Variants in PRRC2A observed in about 807,000 individuals in gnomAD.
PRRC2A encodes the protein proline rich coiled-coil 2A.
A neutral mutation model predicts 224.6 loss-of-function variants in PRRC2A; 59 were observed. The observed-to-expected ratio is 0.26, with a 90% CI of 0.21 to 0.33. The LOEUF (loss-of-function observed/expected upper bound fraction) is 0.33, where lower values mean the gene tolerates loss of function less well. Among genes scored for constraint, PRRC2A ranks in the 10% least tolerant of loss-of-function variants. The probability of loss-of-function intolerance (pLI) is 1.00; values close to 1 mark genes in which losing one functional copy is unlikely to be tolerated. For missense variants in PRRC2A, 3,095 were observed against 2,880.7 expected (o/e 1.07, Z -1.70); for synonymous variants, 1,194 against 1,109.5 (o/e 1.08, Z -1.51).
intron 14 of PRRC2A, 47 bp from the exon 15 acceptor site, chr6:31,630,544 C>T (rs765331493): frequency 2.5e-6 from 4 of 1,601,018 alleles, no homozygotes; most frequent in Admixed American, 3.3e-5. Context: ...GGCTGGAGGG[C>T]TTGTGACATG....
Position 31,624,335 on chromosome 6 carries a change from C to T in PRRC2A, c.365C>T (p.Pro122Leu), listed in dbSNP as rs141801298. Residue 122 changes from proline to leucine, a missense_variant, in exon 4 of 31, where the codon CCG (proline) becomes CTG (leucine). This residue lies in a region of PRRC2A where 52 missense variants were observed against 77.9 expected (regional missense o/e 0.67). Coordinates refer to ENST00000376033, the MANE Select transcript of PRRC2A (RefSeq NM_004638.4). ...TCACAGACGCCTGCCTCCAACCAGCCGAAACGACCCCCAGCAGCCCCCGAG... is the reference window on the plus strand; with the variant it reads ...TCACAGACGCCTGCCTCCAACCAGCTGAAACGACCCCCAGCAGCCCCCGAG... Reference protein sequence around the residue: ...PASQTPASNQPKRPPAAPENT... With the variant: ...PASQTPASNQLKRPPAAPENT... 7 of 1,613,952 alleles carry T rather than the reference C, an allele frequency of 4.3e-6. No individual in the cohort carries two copies. Among genetic ancestry groups the T allele is most frequent in the East Asian group, 2.2e-5 (1 of 44,902 alleles).
rs1394504135 is a variant in PRRC2A, at chr6:31,628,038, C to A, written c.1564C>A (p.Pro522Thr). The change falls in exon 12 of 31, where the codon CCT (proline) becomes ACT (threonine). Residue 522 changes from proline (P) to threonine (T), a missense_variant. Coordinates refer to ENST00000376033, the MANE Select transcript of PRRC2A (RefSeq NM_004638.4). ...PAAPSTPAPPPAVPKELPAPP... is the reference protein window; with the variant it reads ...PAAPSTPAPPTAVPKELPAPP... ...TGCCCCTTCTACCCCAGCTCCACCA[C>A]CTGCAGTCCCTAAAGAACTCCCTGC... is the stretch of plus-strand genomic sequence containing the variant. 6.2e-7 allele frequency: 1 copy of A among 1,612,830 alleles called. No homozygotes were observed. Among genetic ancestry groups the A allele is most frequent in the African/African-American group, 1.3e-5 (1 of 75,036 alleles).
At chr6:31,624,396 G>C (rs757519047) in intron 4 of PRRC2A, 36 bp downstream of exon 4, 46 of 1,608,208 alleles carry the variant, frequency 2.9e-5, no homozygotes, top group Non-Finnish European at 3.9e-5. Flanking sequence ...GAGGAAGAAT[G>C]GTTCATAGCT....
Position 31,633,423 on chromosome 6 carries a change from C to T in PRRC2A, c.4364C>T (p.Pro1455Leu). Residue 1455 changes from proline (P) to leucine (L), a missense_variant, in exon 17 of 31, where the codon CCA becomes CTA. Pro to Leu is a moderately conservative substitution (Grantham distance 98, BLOSUM62 -3). Coordinates refer to ENST00000376033, the MANE Select transcript of PRRC2A (RefSeq NM_004638.4). ...ERPPGLPLPP[P>L]PPSSSAVFRL... The stretch of plus-strand genomic sequence containing the variant: ...CCCCCGGGGCTTCCCCTGCCTCCCC[C>T]ACCTCCCAGCAGTTCTGCTGTCTTC... 3 of 1,613,066 alleles carry T rather than the reference C, an allele frequency of 1.9e-6. No individual in the cohort carries two copies. The highest frequency in any genetic ancestry group is 2.5e-6 in the Non-Finnish European group (3 of 1,180,018).
chr6:31,635,861 T>G, intron 24 of PRRC2A, 106 bp from the exon 25 acceptor site: 1 of 1,449,008 alleles, frequency 6.9e-7, no homozygotes, highest in Non-Finnish European at 9.3e-7. Flanking sequence ...GATACCACTT[T>G]GTCACATCAT....
chr6:31,623,542 C>T (rs1775556855), intron 2 of PRRC2A, among the ~76,000 whole-genome samples, 190 bp from the exon 3 acceptor site: 1 of 152,122 alleles, frequency 6.6e-6, no homozygotes, highest in South Asian at 2.1e-4. Flanking sequence ...GCTGGGATTG[C>T]AAAGTGTGAG....
chr6:31,634,134 T>C, intron 18 of PRRC2A, 102 bp from the exon 19 acceptor site: 1 of 1,563,880 alleles, frequency 6.4e-7, no homozygotes, highest in Non-Finnish European at 8.6e-7. Flanking sequence ...TGTGTCTCCC[T>C]TGTTGTCCCC....
In PRRC2A at chr6:31,635,570, T is replaced by C. The variant is rs532278148; in HGVS notation, c.5374-12T>C. On this transcript the variant is annotated splice_polypyrimidine_tract_variant and intron_variant, in intron 23 of 30. Transcript: ENST00000376033. ...GCCAGACATCCCTCTCCACGAGGCC[T>C]CTCCTTCCCAGGCCATTCCTGTATC... 4.8e-5 allele frequency: 78 copies of C among 1,610,670 alleles called. 1 individual carries two copies. The East Asian group carries it at 1.6e-3, about 33-fold the overall frequency.
In PRRC2A at chr6:31,635,695, C is replaced by G; in HGVS notation, c.5487C>G (p.Gly1829=). ...GHCVPEPSSS[G]QRLYPEVFYG... is the part of the protein sequence containing the mutation. Reference sequence around the variant, plus strand: ...GTGTCCCGGAGCCCAGCTCCTCAGGCCAGCGCCTGTATCCTGAGGTTTTCT... The same window carrying G: ...GTGTCCCGGAGCCCAGCTCCTCAGGGCAGCGCCTGTATCCTGAGGTTTTCT... Residue 1829 remains glycine, a synonymous_variant, in exon 24 of 31, where the codon GGC becomes GGG. Coordinates refer to ENST00000376033, the MANE Select transcript of PRRC2A (RefSeq NM_004638.4). The G allele has an allele frequency of 6.2e-7, 1 of 1,612,354 alleles. No individual in the cohort carries two copies. The highest frequency in any genetic ancestry group is 1.3e-5 in the African/African-American group (1 of 75,000).
At position 31,622,796 on chromosome 6, in the gene PRRC2A, G is replaced by C; in HGVS notation, c.7G>C (p.Asp3His). MS[D>H]RSGPTAKGKD... ...TCAATGAGCTTCCAGCGCAATGTCCGATCGCTCGGGGCCGACTGCCAAGGG... is the reference window on the plus strand; with the variant it reads ...TCAATGAGCTTCCAGCGCAATGTCCCATCGCTCGGGGCCGACTGCCAAGGG... The change falls in exon 2 of 31, where the codon GAT becomes CAT. Residue 3 changes from aspartate to histidine, a missense_variant. By Grantham distance (81) the Asp-to-His change is moderately conservative. Coordinates refer to ENST00000376033, the MANE Select transcript of PRRC2A (RefSeq NM_004638.4). 6.2e-7 allele frequency: 1 copy of C among 1,612,512 alleles called. No homozygotes were observed.
rs1299263794 is a variant in PRRC2A, at chr6:31,636,255, C to G, written c.5671C>G (p.Leu1891Val). Reference protein sequence around the residue: ...LPPGPAPPSALLSGLALKGQF... With the variant: ...LPPGPAPPSAVLSGLALKGQF... Reference sequence around the variant, plus strand: ...CCCCGGCCCAGCCCCTCCCTCAGCACTGCTCTCTGGGTTAGCTCTCAAGGG... The same window carrying G: ...CCCCGGCCCAGCCCCTCCCTCAGCAGTGCTCTCTGGGTTAGCTCTCAAGGG... The change falls in exon 26 of 31, where the codon CTG becomes GTG. Residue 1891 changes from leucine to valine, a missense_variant. Coordinates refer to ENST00000376033, the MANE Select transcript of PRRC2A (RefSeq NM_004638.4). The surrounding 1 kb of genome is among the most constrained non-coding windows in gnomAD (Gnocchi z 4.3). The G allele has an allele frequency of 2.5e-6, 4 of 1,612,912 alleles. No individual in the cohort carries two copies. In the African/African-American group the frequency reaches 4.0e-5, roughly 16 times the overall value.
At chr6:31,629,464 C>T (rs1046391942) in intron 13 of PRRC2A, 84 bp from the exon 14 acceptor site, 24 of 1,430,150 alleles carry the variant, frequency 1.7e-5, no homozygotes, top group South Asian at 1.7e-4. Context: ...CGCCAATTTC[C>T]CCTAGTCCAA....
rs140509867 is a variant in PRRC2A at position 31,637,305 on chromosome 6, G to A, written c.6314G>A (p.Arg2105His). 15 of 1,612,078 alleles carry A rather than the reference G, an allele frequency of 9.3e-6. No individual in the cohort carries two copies. The highest frequency in any genetic ancestry group is 3.3e-5 in the Admixed American group (2 of 60,002). ...TACAGTGGAGTCTTCCGCACCCAGC[G>A]CGTCGACCTTTACCAGCAGGTGAAG... ...STYSGVFRTQ[R>H]VDLYQQASPP... The change falls in exon 30 of 31, where the codon CGC becomes CAC. Residue 2105 changes from arginine (R) to histidine (H), a missense_variant. Physicochemically the swap from Arg to His is conservative, Grantham distance 29 (BLOSUM62 0). Transcript: ENST00000376033.
rs1043611908 is a variant in PRRC2A at position 31,625,047 on chromosome 6, C to T, written c.464-124C>T. 12 of 1,142,068 alleles carry T rather than the reference C, an allele frequency of 1.1e-5. No homozygotes were observed. Among genetic ancestry groups the T allele is most frequent in the East Asian group, 2.4e-5 (1 of 42,200 alleles). The allele number at this position is 1,142,068 out of a possible 1,614,324, so 70.7% of individuals were successfully genotyped here. On this transcript the variant is annotated intron_variant, in intron 5 of 30. Coordinates refer to ENST00000376033, the MANE Select transcript of PRRC2A (RefSeq NM_004638.4). This position sits in a 1 kb window ranked among gnomAD's most constrained non-coding sequence, Gnocchi z 4.1. ...TCTCTTGACCTCGTGATCCGCCCGC[C>T]TCAGCCTCCCAGAGTGCTGGGATTA... is the stretch of plus-strand genomic sequence containing the variant.
In PRRC2A at chr6:31,626,631, T is replaced by C. The variant is rs927099913; in HGVS notation, c.983-141T>C. On this transcript the variant is annotated intron_variant, in intron 9 of 30. Coordinates refer to ENST00000376033, the MANE Select transcript of PRRC2A (RefSeq NM_004638.4). Reference sequence around the variant, plus strand: ...TGCAAAGTGGTGAGAGGAGTAAGAATGACAAGACTTCATTGGTGGATCTAG... The same window carrying C: ...TGCAAAGTGGTGAGAGGAGTAAGAACGACAAGACTTCATTGGTGGATCTAG... The C allele has an allele frequency of 9.7e-6, 7 of 723,910 alleles. No individual in the cohort carries two copies. In the South Asian group the frequency reaches 1.3e-4, roughly 14 times the overall value. 44.8% of individuals were successfully genotyped at this position (723,910 alleles called of 1,614,324 possible).
rs769875014 is a variant in PRRC2A, at chr6:31,637,430, C to T, written c.6334-16C>T. ...TCTCACTGTGACTCACTGTTTAACACATGCCTGTCCCCTAGGCCTCCCCAC... is the reference window on the plus strand; with the variant it reads ...TCTCACTGTGACTCACTGTTTAACATATGCCTGTCCCCTAGGCCTCCCCAC... On this transcript the variant is annotated splice_polypyrimidine_tract_variant and intron_variant, in intron 30 of 30. Transcript: ENST00000376033. 3 of 1,591,942 alleles carry T rather than the reference C, an allele frequency of 1.9e-6. No homozygotes were observed. In the South Asian group the frequency reaches 3.4e-5, roughly 18 times the overall value.
In PRRC2A at chr6:31,625,847, G is replaced by A. The variant is rs750688400; in HGVS notation, c.815G>A (p.Arg272Gln). The A allele has an allele frequency of 7.5e-6, 12 of 1,590,230 alleles. No homozygotes were observed. Among genetic ancestry groups the A allele is most frequent in the Middle Eastern group, 1.7e-4 (1 of 6,018 alleles). Residue 272 changes from arginine to glutamine, a missense_variant, in exon 8 of 31, where the codon CGA (arginine) becomes CAA (glutamine). Physicochemically the swap from Arg to Gln is conservative, Grantham distance 43. Transcript: ENST00000376033. This position sits in a 1 kb window ranked among gnomAD's most constrained non-coding sequence, Gnocchi z 4.1. ...CCCTATGGACCCCAGGGGCCTTACC[G>A]ATACCCCACTCCTGATGGGCCCAGG... The part of the protein sequence containing the change: ...PPPYGPQGPY[R>Q]YPTPDGPSRF...
intron 9 of PRRC2A, among the ~76,000 whole-genome samples, 195 bp from the exon 10 acceptor site, chr6:31,626,577 G>A (rs1425355915): frequency 4.6e-5 from 7 of 151,946 alleles, no homozygotes; most frequent in Admixed American, 4.6e-4. Context: ...AAAAGAGTAG[G>A]GGAGGATGGA....
In PRRC2A at chr6:31,625,472, G is replaced by T; in HGVS notation, c.620G>T (p.Trp207Leu). The T allele has an allele frequency of 6.3e-7, 1 of 1,593,394 alleles. No individual in the cohort carries two copies. The highest frequency in any genetic ancestry group is 8.6e-7 in the Non-Finnish European group (1 of 1,165,878). The change falls in exon 7 of 31, where the codon TGG (tryptophan) becomes TTG (leucine). Residue 207 changes from tryptophan (W) to leucine (L), a missense_variant. Trp to Leu is a moderately conservative substitution (Grantham distance 61, BLOSUM62 -2). This residue lies in a region of PRRC2A where 287 missense variants were observed against 275.3 expected (regional missense o/e 1.04). Transcript: ENST00000376033. This position sits in a 1 kb window ranked among gnomAD's most constrained non-coding sequence, Gnocchi z 4.1. ...TTCCAAAATACAGATTCTACAACTT[G>T]GAGGGACGGAGGTGGGCGTGGCCCT... is the stretch of plus-strand genomic sequence containing the variant. ...PSLRPQNSTT[W>L]RDGGGRGPDE...
Sources: allele counts gnomAD v4.1 joint callset (sites outside exome capture counted in the v4.1 genomes callset), GRCh38; gene constraint gnomAD v4.1.1; regional missense constraint gnomAD v4.1.1; non-coding constraint Gnocchi (gnomAD v3.1); transcripts MANE v1.5; gene names NCBI Gene and HGNC (gene_info 2026-07-23, HGNC 2026-07-21).